CNTNAP4: variants seen among roughly 807,000 people sequenced by gnomAD.
CNTNAP4 encodes contactin associated protein family member 4.
A neutral mutation model predicts 148.4 loss-of-function variants in CNTNAP4; 98 were observed. The observed-to-expected ratio is 0.66, with a 90% CI of 0.56 to 0.78. The LOEUF (loss-of-function observed/expected upper bound fraction) is 0.78, where lower values mean the gene tolerates loss of function less well. CNTNAP4 is among the 30% of genes least tolerant of loss of function. CNTNAP4 has a pLI of 0.00. For synonymous variants in CNTNAP4, 730 were observed against 565.1 expected, an observed-to-expected ratio of 1.29 and a Z score of -4.14; for missense variants, 1,935 against 1,565.6, an observed-to-expected ratio of 1.24 and a Z score of -3.98.
At chr16:76,458,097 T>C (rs993873675) in intron 8 of CNTNAP4, among the ~76,000 whole-genome samples, 73 of 152,364 alleles carry the variant, frequency 4.8e-4, no homozygotes, top group African/African-American at 1.7e-3. Context: ...AGTCTCCAGC[T>C]GCATCTGTGT....
intron 1 of CNTNAP4, among the ~76,000 whole-genome samples, chr16:76,297,929 A>C (rs1035136435): frequency 5.3e-5 from 8 of 152,046 alleles, no homozygotes; most frequent in Non-Finnish European, 1.5e-5. Flanking sequence ...TTCCTCATCT[A>C]CTCTTTATGT....
chr16:76,546,716 C>A (rs1475681908), intron 21 of CNTNAP4, among the ~76,000 whole-genome samples: 1 of 152,134 alleles, frequency 6.6e-6, no homozygotes, highest in East Asian at 1.9e-4. Flanking sequence ...ACCTGTCTTC[C>A]TTGAAACTGG....
In CNTNAP4 at chr16:76,398,427, T is replaced by A. The variant is rs531518900; in HGVS notation, c.391-29025T>A. ...TGTTAAGTGTTGCGTGATACTGCAT[T>A]CTGTGCACCTACCGTGTCTTCCCTA... is the stretch of plus-strand genomic sequence containing the variant. On this transcript the variant is annotated intron_variant, in intron 3 of 23. Coordinates refer to ENST00000611870, the MANE Select transcript of CNTNAP4 (RefSeq NM_033401.5). Among the ~76,000 whole-genome samples, 154 of 152,232 alleles carry A rather than the reference T, an allele frequency of 1.0e-3. No homozygotes were observed. The Middle Eastern group carries it at 0.01, about 10-fold the overall frequency.
At chr16:76,550,676 A>G (rs1260921148) in intron 21 of CNTNAP4, among the ~76,000 whole-genome samples, 1 of 78,848 alleles carries the variant, frequency 1.3e-5, no homozygotes, top group Non-Finnish European at 3.0e-5. Flanking sequence ...TTAAAGTAAA[A>G]AGAAAAAAAA....
chr16:76,287,492 A>G (rs1164584510), intron 1 of CNTNAP4: 1 of 152,198 alleles, frequency 6.6e-6, no homozygotes, highest in African/African-American at 2.4e-5. Flanking sequence ...TTGCAACATG[A>G]ACCAGATTAG....
At chr16:76,525,168 C>CA (rs2083664071) in intron 17 of CNTNAP4, among the ~76,000 whole-genome samples, 1 of 151,850 alleles carries the variant, frequency 6.6e-6, no homozygotes, top group Admixed American at 6.6e-5. Context: ...TCACACAAAT[C>CA]AGAATTTAAG....
At chr16:76,472,461 G>T (rs1397409509) in intron 10 of CNTNAP4, among the ~76,000 whole-genome samples, 2 of 151,974 alleles carry the variant, frequency 1.3e-5, no homozygotes, top group Non-Finnish European at 2.9e-5. Context: ...AGCCACTTAT[G>T]TTGAACTCTT....
At chr16:76,496,205 A>G (rs1370762862) in intron 14 of CNTNAP4, among the ~76,000 whole-genome samples, 2 of 151,270 alleles carry the variant, frequency 1.3e-5, no homozygotes, top group African/African-American at 2.4e-5. Flanking sequence ...TCAAATTTCT[A>G]CTCCCTTTGG....
intron 10 of CNTNAP4, among the ~76,000 whole-genome samples, chr16:76,470,667 CA>C (rs1301809112): frequency 6.6e-6 from 1 of 150,972 alleles, no homozygotes; most frequent in Non-Finnish European, 1.5e-5. Context: ...CAAAAACAAA[CA>C]AACAAAAAAC....
chr16:76,510,980 A>C (rs550462857), intron 15 of CNTNAP4, among the ~76,000 whole-genome samples: 1 of 152,132 alleles, frequency 6.6e-6, no homozygotes, highest in Admixed American at 6.5e-5. Flanking sequence ...AAAGGTCACT[A>C]ATTTAACAAG....
intron 3 of CNTNAP4, among the ~76,000 whole-genome samples, chr16:76,377,195 A>G (rs1279371404): frequency 6.6e-6 from 1 of 152,130 alleles, no homozygotes; most frequent in Non-Finnish European, 1.5e-5. Flanking sequence ...GATGAGGCCC[A>G]CCCATACTAT....
intron 15 of CNTNAP4, among the ~76,000 whole-genome samples, chr16:76,516,931 G>A (rs772982735): frequency 1.1e-4 from 16 of 152,284 alleles, no homozygotes; most frequent in Non-Finnish European, 2.1e-4. Context: ...AGGCATAGTG[G>A]TGTGCACCTG....
intron 3 of CNTNAP4, among the ~76,000 whole-genome samples, chr16:76,379,862 A>G (rs915972420): frequency 1.3e-5 from 2 of 152,184 alleles, no homozygotes; most frequent in African/African-American, 4.8e-5. Context: ...GGTTAATGAT[A>G]TGTGAAGGAT....
chr16:76,489,689 C>A lies in CNTNAP4; in HGVS notation c.1886C>A (p.Thr629Asn). The change falls in exon 13 of 24, where the codon ACT becomes AAT. Residue 629 changes from threonine (T) to asparagine (N), a missense_variant. Coordinates refer to ENST00000611870, the MANE Select transcript of CNTNAP4 (RefSeq NM_033401.5). Reference sequence around the variant, plus strand: ...TCCCCCCATTTCTGCATACAAGAAACTGCATGGACCATCATACAGCACAAC... The same window carrying A: ...TCCCCCCATTTCTGCATACAAGAAAATGCATGGACCATCATACAGCACAAC... The part of the protein sequence containing the change: ...PFLLYCNMTE[T>N]AWTIIQHNGS... 6.4e-7 allele frequency: 1 copy of A among 1,559,124 alleles called. No individual in the cohort carries two copies. Among genetic ancestry groups the A allele is most frequent in the African/African-American group, 1.4e-5 (1 of 73,902 alleles).
intron 3 of CNTNAP4, among the ~76,000 whole-genome samples, chr16:76,419,770 G>C (rs1476614306): frequency 6.6e-6 from 1 of 151,970 alleles, no homozygotes; most frequent in Non-Finnish European, 1.5e-5. Flanking sequence ...AAAAGTCCGA[G>C]AACAAGGTGC....
chr16:76,305,454 T>C (rs1179387448), intron 1 of CNTNAP4, among the ~76,000 whole-genome samples: 1 of 152,182 alleles, frequency 6.6e-6, no homozygotes, highest in African/African-American at 2.4e-5. Context: ...ATTTCATTGT[T>C]TTTTCTAAGT....
intron 2 of CNTNAP4, among the ~76,000 whole-genome samples, chr16:76,325,681 A>C (rs1962896851): frequency 6.6e-6 from 1 of 151,186 alleles, no homozygotes; most frequent in Non-Finnish European, 1.5e-5. Flanking sequence ...AAAAAGGTTA[A>C]ATATGAATGA....
intron 13 of CNTNAP4, among the ~76,000 whole-genome samples, chr16:76,491,502 G>T (rs1222901431): frequency 6.6e-6 from 1 of 152,234 alleles, no homozygotes; most frequent in Non-Finnish European, 1.5e-5. Flanking sequence ...TGCATGGCAT[G>T]AGCCCCCCTC....
chr16:76,469,807 G>A (rs987850307), intron 10 of CNTNAP4, among the ~76,000 whole-genome samples: 2 of 152,212 alleles, frequency 1.3e-5, no homozygotes, highest in Non-Finnish European at 2.9e-5. Flanking sequence ...TAGGCTAACA[G>A]TAATCCTAAC....
Sources: gnomAD v4.1 joint callset for allele counts (sites outside exome capture counted in the v4.1 genomes callset) on GRCh38, gnomAD v4.1.1 for gene constraint, MANE v1.5 for transcripts, NCBI Gene and HGNC (gene_info 2026-07-23, HGNC 2026-07-21) for gene names.